Variants in CSMD1 observed in about 807,000 individuals in gnomAD.
The protein encoded by CSMD1 is CUB and sushi domain-containing protein 1.
CSMD1 carries 213 observed loss-of-function variants against 417.5 expected under a neutral mutation model. That is an observed-to-expected ratio of 0.51 (90% CI 0.46 to 0.57). CSMD1 has a LOEUF of 0.57. Ranked by LOEUF, CSMD1 falls within the 20% of genes least tolerant of loss-of-function variation. The pLI is 0.00. For synonymous variants in CSMD1, 2,862 were observed against 1,736.8 expected, an observed-to-expected ratio of 1.65 and a Z score of -16.11; for missense variants, 6,923 against 4,529.7, an observed-to-expected ratio of 1.53 and a Z score of -15.17.
chr8:2,993,899 G>A (rs902030750), intron 54 of CSMD1, among the ~76,000 whole-genome samples: 6 of 151,186 alleles, frequency 4.0e-5, no homozygotes, highest in African/African-American at 1.5e-4. Flanking sequence ...GGGTGCAATG[G>A]CTCACTCCTG....
At chr8:3,883,880 CAT>C (rs1177833228) in intron 5 of CSMD1, among the ~76,000 whole-genome samples, 1 of 151,954 alleles carries the variant, frequency 6.6e-6, no homozygotes, top group Non-Finnish European at 1.5e-5. Context: ...TACGGTTTTT[CAT>C]ATGTGTATTT....
chr8:3,863,832 C>T (rs74632959), intron 5 of CSMD1, among the ~76,000 whole-genome samples: 2 of 151,884 alleles, frequency 1.3e-5, no homozygotes, highest in Non-Finnish European at 2.9e-5. Flanking sequence ...AAAAAAAAAT[C>T]AGAAAAAACA....
At chr8:4,937,111 G>A (rs951459187) in intron 1 of CSMD1, among the ~76,000 whole-genome samples, 1 of 152,204 alleles carries the variant, frequency 6.6e-6, no homozygotes, top group African/African-American at 2.4e-5. Context: ...TATCCAGGAG[G>A]CTGAAGGTGG....
intron 5 of CSMD1, chr8:3,949,929 T>C (rs763494714): frequency 7.5e-5 from 34 of 455,764 alleles, no homozygotes; most frequent in South Asian, 5.3e-4. Context: ...AGGCAGGACG[T>C]GAAAACACAC....
intron 12 of CSMD1, among the ~76,000 whole-genome samples, chr8:3,458,441 A>C (rs1160178533): frequency 1.3e-5 from 2 of 152,222 alleles, no homozygotes; most frequent in Non-Finnish European, 2.9e-5. Context: ...TCTTAAAGTT[A>C]AGACTGTCCT....
chr8:4,760,340 A>C (rs1811960304), intron 1 of CSMD1, among the ~76,000 whole-genome samples: 1 of 152,172 alleles, frequency 6.6e-6, no homozygotes, highest in African/African-American at 2.4e-5. Context: ...TTTCCTAGTG[A>C]AATCAACATG....
At chr8:3,913,481 G>C (rs377656817) in intron 5 of CSMD1, among the ~76,000 whole-genome samples, 40 of 152,302 alleles carry the variant, frequency 2.6e-4, no homozygotes, top group African/African-American at 8.7e-4. Context: ...CAAGCCCTTG[G>C]AATGTGTCCC....
At chr8:4,481,483 A>C (rs1801099074) in intron 2 of CSMD1, among the ~76,000 whole-genome samples, 1 of 152,252 alleles carries the variant, frequency 6.6e-6, no homozygotes, top group African/African-American at 2.4e-5. Flanking sequence ...ATGGGAAGGC[A>C]TATGAGATTT....
intron 3 of CSMD1, among the ~76,000 whole-genome samples, chr8:4,275,138 A>G (rs556570300): frequency 7.9e-5 from 12 of 152,198 alleles, no homozygotes; most frequent in Admixed American, 5.9e-4. Flanking sequence ...GATAGTCAAT[A>G]AAAGAGTAGC....
intron 69 of CSMD1, among the ~76,000 whole-genome samples, chr8:2,939,333 C>T (rs1165149742): frequency 6.6e-6 from 1 of 152,134 alleles, no homozygotes; most frequent in Admixed American, 6.6e-5. Context: ...AGTTCACTGT[C>T]GTTACTAATA....
intron 3 of CSMD1, among the ~76,000 whole-genome samples, chr8:4,143,510 G>A (rs988640808): frequency 2.0e-5 from 3 of 150,634 alleles, no homozygotes; most frequent in East Asian, 1.9e-4. Context: ...AACTAAAGAA[G>A]AAGTTGATAT....
At chr8:3,599,917 T>C (rs150072317) in intron 8 of CSMD1, among the ~76,000 whole-genome samples, 11 of 152,306 alleles carry the variant, frequency 7.2e-5, no homozygotes, top group African/African-American at 2.4e-4. Context: ...GGAAGCAACA[T>C]TTCGGCACAG....
intron 35 of CSMD1, 96 bp from the exon 36 acceptor site, chr8:3,188,061 T>C: frequency 3.7e-6 from 2 of 535,914 alleles, no homozygotes; most frequent in South Asian, 2.3e-5. Flanking sequence ...TTAAGGTGTA[T>C]ATGTATATAT....
intron 3 of CSMD1, among the ~76,000 whole-genome samples, chr8:4,309,362 C>A (rs1480136161): frequency 6.6e-6 from 1 of 151,938 alleles, no homozygotes; most frequent in Non-Finnish European, 1.5e-5. Flanking sequence ...AAAAACTAAT[C>A]TTTTGTTCTG....
intron 1 of CSMD1, among the ~76,000 whole-genome samples, chr8:4,910,076 A>T (rs772909468): frequency 1.9e-4 from 29 of 152,324 alleles, no homozygotes; most frequent in Admixed American, 1.4e-3. Flanking sequence ...AACTCACAAA[A>T]CCAGACTTTA....
intron 4 of CSMD1, among the ~76,000 whole-genome samples, chr8:4,013,314 C>T (rs569826438): frequency 9.2e-5 from 14 of 152,180 alleles, no homozygotes; most frequent in Admixed American, 7.9e-4. Flanking sequence ...ATTCTTCGTT[C>T]ACTCACCGTA....
intron 3 of CSMD1, among the ~76,000 whole-genome samples, chr8:4,111,803 T>C (rs904783428): frequency 7.9e-5 from 12 of 152,178 alleles, no homozygotes; most frequent in Non-Finnish European, 1.3e-4. Flanking sequence ...TCAGGATAAA[T>C]AGCTAATACA....
At chr8:3,301,389 G>C (rs560800442) in intron 25 of CSMD1, among the ~76,000 whole-genome samples, 1 of 152,086 alleles carries the variant, frequency 6.6e-6, no homozygotes, top group Non-Finnish European at 1.5e-5. Flanking sequence ...GGGAGCTAGT[G>C]AAACTTGCCC....
chr8:4,583,478 AC>A (rs1799546214), intron 2 of CSMD1, among the ~76,000 whole-genome samples: 1 of 151,138 alleles, frequency 6.6e-6, no homozygotes, highest in South Asian at 2.1e-4. Context: ...GCCTTGGAGA[AC>A]CTTTATGTCT....
Sources: allele counts gnomAD v4.1 joint callset (sites outside exome capture counted in the v4.1 genomes callset), GRCh38; gene constraint gnomAD v4.1.1; transcripts MANE v1.5; gene names NCBI Gene and HGNC (gene_info 2026-07-23, HGNC 2026-07-21).